The following B4GALT5 variants were observed in gnomAD, a reference collection of about 807,000 sequenced individuals.
B4GALT5 encodes the protein UDP-Gal:beta-GlcNAc beta-1,4-galactosyltransferase 5.
In B4GALT5, 11 loss-of-function variants were observed where a neutral mutation model predicts 45.0. The observed-to-expected ratio is 0.24, with a 90% CI of 0.15 to 0.40. The LOEUF is 0.40. B4GALT5 is among the 10% of genes least tolerant of loss of function. The pLI is 1.00. For missense variants in B4GALT5, 337 were observed against 500.2 expected, an observed-to-expected ratio of 0.67 and a Z score of 3.11; for synonymous variants, 185 against 182.9, an observed-to-expected ratio of 1.01 and a Z score of -0.09.
chr20:49,661,163 T>C (rs765776111), intron 1 of B4GALT5, among the ~76,000 whole-genome samples: 8 of 152,216 alleles, frequency 5.3e-5, no homozygotes, highest in Non-Finnish European at 8.8e-5. Context: ...CCCAAGGTCA[T>C]ATGGTTAGAG....
intron 1 of B4GALT5, among the ~76,000 whole-genome samples, chr20:49,705,590 A>G (rs771383334): frequency 6.6e-6 from 1 of 152,220 alleles, no homozygotes; most frequent in South Asian, 2.1e-4. Context: ...TTCTCACCGC[A>G]GCAGTCTGGG....
chr20:49,682,326 T>A (rs2085767404), intron 1 of B4GALT5, among the ~76,000 whole-genome samples: 1 of 152,252 alleles, frequency 6.6e-6, no homozygotes, highest in Admixed American at 6.5e-5. Context: ...TGCTATGGAC[T>A]GCAGAGTCGA....
At chr20:49,690,281 CA>C (rs1430499166) in intron 1 of B4GALT5, among the ~76,000 whole-genome samples, 4 of 152,190 alleles carry the variant, frequency 2.6e-5, no homozygotes, top group Non-Finnish European at 5.9e-5. Context: ...GCGGGGATTA[CA>C]GGCATGAGCC....
rs1380699675 is a variant in B4GALT5, at chr20:49,706,978, C to CA, written c.115+6597dup. 1.6e-4 allele frequency among the ~76,000 whole-genome samples: 24 copies of CA among 152,312 alleles called. No individual in the cohort carries two copies. The South Asian group carries it at 4.8e-3, about 30-fold the overall frequency. ...GCTCTCTCAGAGAGCTCTAAAGAGG[C>CA]ATGGCAACACAGAGCCCCTCCTTCC... On this transcript the variant is annotated intron_variant, in intron 1 of 8. Coordinates refer to ENST00000371711, the MANE Select transcript of B4GALT5 (RefSeq NM_004776.4).
At chr20:49,636,487 T>C in intron 8 of B4GALT5, 28 bp from the exon 9 acceptor site, 1 of 1,612,478 alleles carries the variant, frequency 6.2e-7, no homozygotes, top group Non-Finnish European at 8.5e-7. Flanking sequence ...AGAGAAGAGG[T>C]GGCTCTGAGT....
intron 1 of B4GALT5, among the ~76,000 whole-genome samples, chr20:49,665,635 T>C (rs761480270): frequency 5.5e-4 from 83 of 150,642 alleles, no homozygotes; most frequent in Non-Finnish European, 1.1e-3. Flanking sequence ...AGGACTGCCC[T>C]ATACTCTAAA....
chr20:49,678,823 T>G (rs1197723302), intron 1 of B4GALT5, among the ~76,000 whole-genome samples: 1 of 152,222 alleles, frequency 6.6e-6, no homozygotes, highest in Non-Finnish European at 1.5e-5. Context: ...GGCTTGCTAC[T>G]AAGACCTTGA....
chr20:49,674,081 C>CAAAAAA (rs34718276), intron 1 of B4GALT5, among the ~76,000 whole-genome samples: 8 of 94,532 alleles, frequency 8.5e-5, no homozygotes, highest in Non-Finnish European at 1.1e-4. Flanking sequence ...ATTAAAAATA[C>CAAAAAA]AAAAAAAAAA....
chr20:49,688,452 G>C (rs1376708255), intron 1 of B4GALT5, among the ~76,000 whole-genome samples: 2 of 152,160 alleles, frequency 1.3e-5, no homozygotes, highest in Non-Finnish European at 2.9e-5. Context: ...AAAAGAGATG[G>C]AGCCTGACCA....
At chr20:49,705,564 C>A (rs1446831138) in intron 1 of B4GALT5, among the ~76,000 whole-genome samples, 1 of 152,166 alleles carries the variant, frequency 6.6e-6, no homozygotes, top group African/African-American at 2.4e-5. Context: ...GAAGATTACA[C>A]ACAAGCATGT....
In B4GALT5 at chr20:49,693,709, T is replaced by TGCTGGCA. The variant is rs1201904224; in HGVS notation, c.115+19860_115+19866dup. Among the ~76,000 whole-genome samples, 154 of 152,370 alleles carry TGCTGGCA rather than the reference T, an allele frequency of 1.0e-3. 3 individuals are homozygous for TGCTGGCA. Among genetic ancestry groups the TGCTGGCA allele is most frequent in the Non-Finnish European group, 5.9e-4 (40 of 68,034 alleles). ...CTTTTTAAGACATTTTCCAAAAGCCTGCTGGCAGCAGTGTGCGCTTATGCT... is the reference window on the plus strand; with the variant it reads ...CTTTTTAAGACATTTTCCAAAAGCCTGCTGGCAGCTGGCAGCAGTGTGCGCTTATGCT... On this transcript the variant is annotated intron_variant, in intron 1 of 8. Transcript: ENST00000371711.
Position 49,633,578 on chromosome 20 carries a change from C to A in B4GALT5, c.*2734G>T, listed in dbSNP as rs922463631. ...ACAGTGCACATCCAGAGATTCTACA[C>A]TCATCAGACACAGACATGACCGCAA... On this transcript the variant is annotated 3_prime_UTR_variant, in exon 9 of 9. Coordinates refer to ENST00000371711, the MANE Select transcript of B4GALT5 (RefSeq NM_004776.4). 3 of 152,130 alleles carry A rather than the reference C, an allele frequency of 2.0e-5. No homozygotes were observed. The highest frequency in any genetic ancestry group is 4.8e-5 in the African/African-American group (2 of 41,396). 9.4% of individuals were successfully genotyped at this position (152,130 alleles called of 1,614,324 possible).
intron 1 of B4GALT5, among the ~76,000 whole-genome samples, chr20:49,663,829 T>C (rs1024198907): frequency 2.0e-5 from 3 of 151,726 alleles, no homozygotes; most frequent in African/African-American, 7.3e-5. Flanking sequence ...CTCCGATACA[T>C]TCTTTGAGAG....
At chr20:49,707,965 C>G (rs2085891772) in intron 1 of B4GALT5, among the ~76,000 whole-genome samples, 1 of 148,170 alleles carries the variant, frequency 6.7e-6, no homozygotes, top group Non-Finnish European at 1.5e-5. Flanking sequence ...CACGGTGGCT[C>G]ACACCTCTAA....
In B4GALT5 at chr20:49,705,573, G is replaced by A. The variant is rs370913525; in HGVS notation, c.115+8003C>T. 1.3e-4 allele frequency among the ~76,000 whole-genome samples: 20 copies of A among 152,312 alleles called. No individual in the cohort carries two copies. The South Asian group carries it at 1.7e-3, about 13-fold the overall frequency. On this transcript the variant is annotated intron_variant, in intron 1 of 8. Coordinates refer to ENST00000371711, the MANE Select transcript of B4GALT5 (RefSeq NM_004776.4). ...AAGTCTGAAGATTACACACAAGCAT[G>A]TCACCATTCTCACCGCAGCAGTCTG...
intron 1 of B4GALT5, among the ~76,000 whole-genome samples, chr20:49,688,805 C>T (rs1420244941): frequency 4.0e-5 from 6 of 151,830 alleles, no homozygotes; most frequent in Non-Finnish European, 5.9e-5. Flanking sequence ...GGCTTGGTGG[C>T]GCGTGCCTGT....
intron 2 of B4GALT5, among the ~76,000 whole-genome samples, chr20:49,651,587 T>C (rs2123011284): frequency 6.7e-6 from 1 of 149,504 alleles, no homozygotes; most frequent in East Asian, 2.0e-4. Flanking sequence ...AGACTCCGTC[T>C]CAAAAAAAAA....
chr20:49,704,459 C>T (rs2085875585), intron 1 of B4GALT5, among the ~76,000 whole-genome samples: 1 of 152,126 alleles, frequency 6.6e-6, no homozygotes, highest in Non-Finnish European at 1.5e-5. Flanking sequence ...GTGGCTCACG[C>T]CTGTAATCCC....
chr20:49,669,246 C>A (rs1436919950), intron 1 of B4GALT5, among the ~76,000 whole-genome samples: 2 of 152,122 alleles, frequency 1.3e-5, no homozygotes, highest in African/African-American at 4.8e-5. Context: ...TATCTTTGGG[C>A]TCTTTCTCAA....
Sources: allele counts gnomAD v4.1 joint callset (sites outside exome capture counted in the v4.1 genomes callset), GRCh38; gene constraint gnomAD v4.1.1; transcripts MANE v1.5; gene names NCBI Gene and HGNC (gene_info 2026-07-23, HGNC 2026-07-21).